CCDC171: variants seen among roughly 807,000 people sequenced by gnomAD.
The protein encoded by CCDC171 is coiled-coil domain-containing protein 171.
CCDC171 carries 177 observed loss-of-function variants against 168.2 expected under a neutral mutation model. The observed-to-expected ratio is 1.05, with a 90% confidence interval of 0.93 to 1.19. The LOEUF (loss-of-function observed/expected upper bound fraction) is 1.19, where lower values mean the gene tolerates loss of function less well. Among genes scored for constraint, CCDC171 ranks in the 50% most tolerant of loss-of-function variants. The pLI is 0.00. For missense variants in CCDC171, 1,991 were observed against 1,539.0 expected (o/e 1.29, Z -4.91); for synonymous variants, 687 against 540.8 (o/e 1.27, Z -3.75).
chr9:16,083,745 C>A, the CCDC171 span, among the ~76,000 whole-genome samples: 34 of 152,248 alleles, frequency 2.2e-4, no homozygotes, highest in African/African-American at 7.7e-4. Flanking sequence ...GGTGTTAGCT[C>A]CCCTAATGGA....
rs770961160 is a variant in CCDC171 at position 15,777,698 on chromosome 9, C to G, written c.2770C>G (p.Pro924Ala). The G allele has an allele frequency of 1.9e-6, 3 of 1,613,600 alleles. No homozygotes were observed. Among genetic ancestry groups the G allele is most frequent in the Non-Finnish European group, 2.5e-6 (3 of 1,179,722 alleles). Residue 924 changes from proline to alanine, a missense_variant, in exon 19 of 26, where the codon CCT (proline) becomes GCT (alanine). Coordinates refer to ENST00000380701, the MANE Select transcript of CCDC171 (RefSeq NM_173550.4). Reference protein sequence around the residue: ...DKISLVMECIPLHSSRSITYV... With the variant: ...DKISLVMECIALHSSRSITYV... ...AATTAGTCTGGTAATGGAATGTATACCTCTGCACAGTAGCAGGAGTATTAC... is the reference window on the plus strand; with the variant it reads ...AATTAGTCTGGTAATGGAATGTATAGCTCTGCACAGTAGCAGGAGTATTAC...
intron 16 of CCDC171, among the ~76,000 whole-genome samples, chr9:15,734,980 G>A (rs982028889): frequency 6.6e-6 from 1 of 152,018 alleles, no homozygotes; most frequent in African/African-American, 2.4e-5. Context: ...TTGTAAAGAA[G>A]CAATTAGTAA....
the CCDC171 span, among the ~76,000 whole-genome samples, chr9:16,072,388 C>T: frequency 6.6e-6 from 1 of 152,188 alleles, no homozygotes; most frequent in Non-Finnish European, 1.5e-5. Flanking sequence ...GTTTTTTAAA[C>T]TCAATACTTG....
At chr9:15,841,815 A>C (rs1441633828) in intron 21 of CCDC171, among the ~76,000 whole-genome samples, 1 of 151,842 alleles carries the variant, frequency 6.6e-6, no homozygotes, top group Non-Finnish European at 1.5e-5. Flanking sequence ...ACCCGGCCCT[A>C]TTGTAAATTT....
At chr9:15,976,572 T>G (rs1386942962), downstream of CCDC171, among the ~76,000 whole-genome samples, 7 of 152,018 alleles carry the variant, frequency 4.6e-5, no homozygotes, top group Non-Finnish European at 7.4e-5. Flanking sequence ...TGGCATATTT[T>G]AATAGCTTTC....
intron 3 of CCDC171, among the ~76,000 whole-genome samples, chr9:15,995,564 A>T (rs894378526): frequency 6.6e-6 from 1 of 152,204 alleles, no homozygotes; most frequent in East Asian, 1.9e-4. Flanking sequence ...AGGAGCTGTC[A>T]TCAGCTGTCA....
At chr9:15,907,080 T>C (rs939903003) in intron 24 of CCDC171, among the ~76,000 whole-genome samples, 5 of 152,250 alleles carry the variant, frequency 3.3e-5, no homozygotes, top group South Asian at 2.1e-4. Context: ...GGCCATACTT[T>C]CCAAGGTAAT....
intron 3 of CCDC171, among the ~76,000 whole-genome samples, chr9:15,572,803 G>T (rs2040339321): frequency 6.6e-6 from 1 of 152,102 alleles, no homozygotes; most frequent in Non-Finnish European, 1.5e-5. Context: ...ATCACACTTT[G>T]TCTCCATATT....
intron 16 of CCDC171, among the ~76,000 whole-genome samples, chr9:15,737,797 T>A (rs1036585671): frequency 6.6e-6 from 1 of 152,178 alleles, no homozygotes; most frequent in African/African-American, 2.4e-5. Flanking sequence ...TGTGTGTGTA[T>A]GAAGACTAGA....
intron 3 of CCDC171, among the ~76,000 whole-genome samples, chr9:15,575,999 G>A (rs1201670030): frequency 1.3e-5 from 2 of 151,898 alleles, no homozygotes; most frequent in Admixed American, 6.6e-5. Context: ...GGCTGAGGTG[G>A]GAGACTCACT....
At position 15,964,821 on chromosome 9, in the gene CCDC171, C is replaced by T. The variant is rs533794283; in HGVS notation, c.3754-6788C>T. 2.6e-5 allele frequency among the ~76,000 whole-genome samples: 4 copies of T among 152,218 alleles called. No homozygotes were observed. In the East Asian group the frequency reaches 5.8e-4, roughly 22 times the overall value. On this transcript the variant is annotated intron_variant, in intron 25 of 25. Coordinates refer to ENST00000380701, the MANE Select transcript of CCDC171 (RefSeq NM_173550.4). ...TGTCACCCAGGCTGGAGTGCAATGG[C>T]GCGATCTCAGCTCACTGCAACCTCT...
the CCDC171 span, among the ~76,000 whole-genome samples, chr9:16,076,057 A>G: frequency 6.6e-6 from 1 of 152,222 alleles, no homozygotes; most frequent in African/African-American, 2.4e-5. Context: ...CCACCAATGC[A>G]GAGGGTCTGT....
At chr9:15,976,111 TCTCAGAGC>T (rs1831612395), downstream of CCDC171, among the ~76,000 whole-genome samples, 1 of 152,276 alleles carries the variant, frequency 6.6e-6, no homozygotes, top group Admixed American at 6.5e-5. Flanking sequence ...TGGATTCTCC[TCTCAGAGC>T]CTCCAGGATT....
intron 3 of CCDC171, among the ~76,000 whole-genome samples, chr9:15,989,920 G>A (rs1832130288): frequency 6.6e-6 from 1 of 152,144 alleles, no homozygotes; most frequent in Admixed American, 6.5e-5. Flanking sequence ...AAGAAATATG[G>A]GACTATGTGA....
intron 23 of CCDC171, among the ~76,000 whole-genome samples, chr9:15,855,171 T>C (rs530521131): frequency 6.6e-6 from 1 of 151,902 alleles, no homozygotes; most frequent in African/African-American, 2.4e-5. Flanking sequence ...GAAAGTATGA[T>C]GTCAAAGTCT....
chr9:15,794,264 A>G (rs202150674), intron 21 of CCDC171, among the ~76,000 whole-genome samples: 3 of 152,148 alleles, frequency 2.0e-5, no homozygotes, highest in Non-Finnish European at 4.4e-5. Context: ...CAGGAGTTCA[A>G]AAGCAGCCTG....
chr9:16,077,517 C>G, the CCDC171 span, among the ~76,000 whole-genome samples: 6 of 152,138 alleles, frequency 3.9e-5, no homozygotes, highest in African/African-American at 1.4e-4. Context: ...AGATTATGCT[C>G]ACCCCCTTGT....
chr9:16,055,152 T>C (rs1344703020), intron 1 of CCDC171, among the ~76,000 whole-genome samples: 3 of 152,206 alleles, frequency 2.0e-5, no homozygotes, highest in Middle Eastern at 3.4e-3. Context: ...TTTAGAAAAA[T>C]GGAGATGTCA....
intron 7 of CCDC171, among the ~76,000 whole-genome samples, chr9:15,623,895 A>AT (rs2044799197): frequency 6.6e-6 from 1 of 152,198 alleles, no homozygotes; most frequent in African/African-American, 2.4e-5. Flanking sequence ...GAAAAACAGG[A>AT]TTTTTATTCG....
Sources: gnomAD v4.1 joint callset for allele counts (sites outside exome capture counted in the v4.1 genomes callset) on GRCh38, gnomAD v4.1.1 for gene constraint, MANE v1.5 for transcripts, NCBI Gene and HGNC (gene_info 2026-07-23, HGNC 2026-07-21) for gene names.